GPHN: variants seen among roughly 807,000 people sequenced by gnomAD.
The protein encoded by GPHN is gephyrin.
GPHN carries 17 observed loss-of-function variants against 95.5 expected under a neutral mutation model. That is an observed-to-expected ratio of 0.18 (90% CI 0.12 to 0.27). The LOEUF is 0.27. Among genes scored for constraint, GPHN ranks in the 10% least tolerant of loss-of-function variants. The probability of loss-of-function intolerance (pLI) is 1.00; values close to 1 mark genes in which losing one functional copy is unlikely to be tolerated. For synonymous variants in GPHN, 320 were observed against 322.5 expected, an observed-to-expected ratio of 0.99 and a Z score of 0.08; for missense variants, 660 against 978.1, an observed-to-expected ratio of 0.67 and a Z score of 4.34.
chr14:67,330,052 A>G, the GPHN span, among the ~76,000 whole-genome samples: 1 of 150,362 alleles, frequency 6.7e-6, no homozygotes, highest in Non-Finnish European at 1.5e-5. Context: ...AATCATCTAT[A>G]TTGTGGTAAG....
At chr14:67,045,629 A>T (rs1272987386) in intron 10 of GPHN, among the ~76,000 whole-genome samples, 1 of 111,346 alleles carries the variant, frequency 9.0e-6, no homozygotes, top group African/African-American at 3.6e-5. Context: ...GTCTCTCTCC[A>T]TCTGTCCATC....
chr14:67,175,837 T>G (rs183555602), intron 21 of GPHN, among the ~76,000 whole-genome samples: 2 of 152,270 alleles, frequency 1.3e-5, no homozygotes, highest in East Asian at 1.9e-4. Context: ...TCTATTTGTA[T>G]CAATTGTGAA....
At chr14:67,092,638 A>T (rs978478854) in intron 12 of GPHN, among the ~76,000 whole-genome samples, 1 of 152,130 alleles carries the variant, frequency 6.6e-6, no homozygotes, top group Non-Finnish European at 1.5e-5. Flanking sequence ...CAGTAATAAA[A>T]TGACTAAGGA....
chr14:67,168,487 A>C (rs1237262033), intron 20 of GPHN, among the ~76,000 whole-genome samples: 1 of 152,188 alleles, frequency 6.6e-6, no homozygotes, highest in Non-Finnish European at 1.5e-5. Context: ...AGAGAAGATT[A>C]TAAATAAGTT....
At chr14:66,565,971 T>C (rs2060446124) in intron 1 of GPHN, among the ~76,000 whole-genome samples, 2 of 151,480 alleles carry the variant, frequency 1.3e-5, no homozygotes, top group Non-Finnish European at 2.9e-5. Context: ...GAAAATTCTT[T>C]TTTTTTTTTG....
chr14:66,985,009 T>C (rs184648550), intron 9 of GPHN, among the ~76,000 whole-genome samples: 5 of 152,312 alleles, frequency 3.3e-5, no homozygotes, highest in Admixed American at 3.3e-4. Context: ...AAGTTTTACT[T>C]TTCATTTCCC....
At position 66,865,670 on chromosome 14, in the gene GPHN, T is replaced by C. The variant is rs186954109; in HGVS notation, c.295-14269T>C. ...CAGTTTCCATCTATCGCATTTATTG[T>C]TCCTGATTTGAATACCCTCTTCTCT... On this transcript the variant is annotated intron_variant, in intron 4 of 22. Coordinates refer to ENST00000478722, the MANE Select transcript of GPHN (RefSeq NM_020806.5). Among the ~76,000 whole-genome samples, 622 of 152,282 alleles carry C rather than the reference T, an allele frequency of 4.1e-3. 1 individual carries two copies. Among genetic ancestry groups the C allele is most frequent in the Non-Finnish European group, 7.1e-3 (483 of 68,004 alleles).
At chr14:66,704,796 C>G (rs2068902930) in intron 2 of GPHN, among the ~76,000 whole-genome samples, 1 of 151,996 alleles carries the variant, frequency 6.6e-6, no homozygotes, top group Non-Finnish European at 1.5e-5. Context: ...TAGTAGAAGA[C>G]AAGAAATAAC....
intron 1 of GPHN, among the ~76,000 whole-genome samples, chr14:66,571,528 T>A (rs1490823950): frequency 1.3e-5 from 2 of 152,174 alleles, no homozygotes; most frequent in Non-Finnish European, 2.9e-5. Context: ...TTTTGTTTCC[T>A]GTGCTTTTGG....
chr14:67,552,183 A>G, the GPHN span, among the ~76,000 whole-genome samples: 1 of 152,198 alleles, frequency 6.6e-6, no homozygotes, highest in South Asian at 2.1e-4. Flanking sequence ...TCAGCCACCT[A>G]AACCTGACAC....
At chr14:67,363,088 A>G in the GPHN span, among the ~76,000 whole-genome samples, 1 of 152,118 alleles carries the variant, frequency 6.6e-6, no homozygotes, top group Non-Finnish European at 1.5e-5. Context: ...CACTGGTCAA[A>G]TGTCTTGCAA....
intron 1 of GPHN, among the ~76,000 whole-genome samples, chr14:66,520,498 G>A (rs2058433476): frequency 6.6e-6 from 1 of 152,022 alleles, no homozygotes; most frequent in Non-Finnish European, 1.5e-5. Context: ...GCTGACTTAA[G>A]GGACTCAAAT....
chr14:67,471,244 G>A, the GPHN span: 3 of 152,276 alleles, frequency 2.0e-5, no homozygotes. Context: ...AGCAAGACCT[G>A]GTGGGCCAAT....
At chr14:67,193,165 CATCTATATATCTCTATATAGACATCT>C in the GPHN span, among the ~76,000 whole-genome samples, 5 of 130,682 alleles carry the variant, frequency 3.8e-5, no homozygotes, top group African/African-American at 5.5e-5. Flanking sequence ...TCTATATAGA[CATCTATATATCTCTATATAGACATCT>C]ATCTATATAT....
the GPHN span, among the ~76,000 whole-genome samples, chr14:67,339,092 G>A: frequency 6.7e-6 from 1 of 149,472 alleles, no homozygotes; most frequent in African/African-American, 2.5e-5. Flanking sequence ...CCACCTTTGC[G>A]TTCAAGCAAT....
intron 2 of GPHN, among the ~76,000 whole-genome samples, chr14:66,719,769 T>C (rs1465563203): frequency 6.6e-6 from 1 of 152,186 alleles, no homozygotes; most frequent in Non-Finnish European, 1.5e-5. Flanking sequence ...CAGAAATAGA[T>C]GTTTTTAGGA....
chr14:66,875,829 T>A (rs757868051), intron 4 of GPHN, among the ~76,000 whole-genome samples: 3 of 152,086 alleles, frequency 2.0e-5, no homozygotes, highest in Admixed American at 1.3e-4. Context: ...CCACTGTCAA[T>A]GTTAGACAGA....
At chr14:67,574,308 C>T in the GPHN span, 11 of 1,606,772 alleles carry the variant, frequency 6.8e-6, no homozygotes, top group East Asian at 2.2e-5. The surrounding 1 kb of genome is among the most constrained non-coding windows in gnomAD (Gnocchi z 4.2). Flanking sequence ...GGAGTGGATC[C>T]GAGTACTCCA....
At chr14:67,018,542 T>C (rs2073431767) in intron 9 of GPHN, among the ~76,000 whole-genome samples, 1 of 152,216 alleles carries the variant, frequency 6.6e-6, no homozygotes, top group African/African-American at 2.4e-5. Flanking sequence ...ATGCCTTAGA[T>C]TATATGGCTT....
Sources: gnomAD v4.1 joint callset for allele counts (sites outside exome capture counted in the v4.1 genomes callset) on GRCh38, gnomAD v4.1.1 for gene constraint, Gnocchi (gnomAD v3.1) non-coding constraint, MANE v1.5 for transcripts, NCBI Gene and HGNC (gene_info 2026-07-23, HGNC 2026-07-21) for gene names.